NXPH1: variants seen among roughly 807,000 people sequenced by gnomAD.
NXPH1 encodes neurexophilin-1.
A neutral mutation model predicts 23.7 loss-of-function variants in NXPH1; 5 were observed. The observed-to-expected ratio is 0.21, with a 90% CI of 0.11 to 0.44. NXPH1 has a LOEUF of 0.44. NXPH1 is among the 20% of genes least tolerant of loss of function. The pLI is 0.99. For synonymous variants in NXPH1, 144 were observed against 122.2 expected (o/e 1.18, Z -1.18); for missense variants, 324 against 321.6 (o/e 1.01, Z -0.06).
intron 2 of NXPH1, among the ~76,000 whole-genome samples, chr7:8,747,991 G>A (rs184185546): frequency 8.1e-4 from 123 of 152,286 alleles, no homozygotes; most frequent in Non-Finnish European, 1.3e-3. Flanking sequence ...TAATCCTTTT[G>A]ATGTGAGAGT....
intron 2 of NXPH1, among the ~76,000 whole-genome samples, chr7:8,537,996 C>A (rs559315686): frequency 6.6e-6 from 1 of 151,770 alleles, no homozygotes; most frequent in African/African-American, 2.4e-5. Context: ...GTAAGGCTAC[C>A]AATGATAGTA....
rs997758913 is a variant in NXPH1, at chr7:8,529,217, C to T, written c.54+93450C>T. Among the ~76,000 whole-genome samples, 3 of 152,286 alleles carry T rather than the reference C, an allele frequency of 2.0e-5. No homozygotes were observed. The East Asian group carries it at 5.8e-4, about 29-fold the overall frequency. On this transcript the variant is annotated intron_variant, in intron 2 of 2. Coordinates refer to ENST00000405863, the MANE Select transcript of NXPH1 (RefSeq NM_152745.3). ...ACTCACGTGATCACATTGGGTTCAC[C>T]CAAATAATCTACAGTAATATCTATT... is the stretch of plus-strand genomic sequence containing the variant.
At chr7:8,571,433 A>G (rs966322603) in intron 2 of NXPH1, among the ~76,000 whole-genome samples, 10 of 151,864 alleles carry the variant, frequency 6.6e-5, no homozygotes, top group Non-Finnish European at 1.2e-4. Context: ...TTTGGGGGGA[A>G]CAGAGGTGGG....
intron 2 of NXPH1, among the ~76,000 whole-genome samples, chr7:8,627,886 A>G (rs896788293): frequency 7.2e-5 from 11 of 152,158 alleles, no homozygotes; most frequent in Admixed American, 2.0e-4. Flanking sequence ...TAGAGAATAT[A>G]AAGGCATATT....
intron 2 of NXPH1, among the ~76,000 whole-genome samples, chr7:8,750,624 T>C (rs947975282): frequency 1.3e-5 from 2 of 152,244 alleles, no homozygotes; most frequent in African/African-American, 4.8e-5. Flanking sequence ...TTGGTTTATA[T>C]TTGAATTTAC....
At chr7:8,563,656 G>T (rs1315633008) in intron 2 of NXPH1, among the ~76,000 whole-genome samples, 1 of 151,726 alleles carries the variant, frequency 6.6e-6, no homozygotes, top group Non-Finnish European at 1.5e-5. Context: ...TTTCCTTGGG[G>T]TGATTCTGGT....
At chr7:8,715,937 A>G (rs1298487908) in intron 2 of NXPH1, among the ~76,000 whole-genome samples, 1 of 145,826 alleles carries the variant, frequency 6.9e-6, no homozygotes, top group Non-Finnish European at 1.6e-5. Flanking sequence ...TTACATATAC[A>G]TATATATATA....
Position 8,459,611 on chromosome 7 carries a change from A to G in NXPH1, c.54+23844A>G, listed in dbSNP as rs1584168914. Among the ~76,000 whole-genome samples, 4 of 152,128 alleles carry G rather than the reference A, an allele frequency of 2.6e-5. 1 individual carries two copies. The East Asian group carries it at 7.7e-4, about 29-fold the overall frequency. ...AATGCAGTCACTGCTTTCCCCTACT[A>G]ATGACTTCAGCTTTGATTCCAGTCT... On this transcript the variant is annotated intron_variant, in intron 2 of 2. Transcript: ENST00000405863.
intron 2 of NXPH1, among the ~76,000 whole-genome samples, chr7:8,586,229 G>T (rs772365766): frequency 6.6e-6 from 1 of 152,044 alleles, no homozygotes; most frequent in Non-Finnish European, 1.5e-5. Flanking sequence ...CCCAAAACAC[G>T]CTGTTTGGGA....
intron 2 of NXPH1, among the ~76,000 whole-genome samples, chr7:8,638,692 G>A (rs1461461620): frequency 6.6e-6 from 1 of 152,126 alleles, no homozygotes; most frequent in African/African-American, 2.4e-5. Context: ...GCAGTGCTGT[G>A]CATATTAATT....
chr7:8,592,060 C>T (rs534009579), intron 2 of NXPH1, among the ~76,000 whole-genome samples: 4 of 151,732 alleles, frequency 2.6e-5, no homozygotes, highest in East Asian at 1.9e-4. Flanking sequence ...TCTGGAGAGG[C>T]GAAAGATTGT....
chr7:8,597,503 A>T (rs1470438349), intron 2 of NXPH1, among the ~76,000 whole-genome samples: 1 of 152,000 alleles, frequency 6.6e-6, no homozygotes, highest in Non-Finnish European at 1.5e-5. Context: ...TCATTCAGTG[A>T]TATTTTGTAC....
rs529106449 is a variant in NXPH1 at position 8,435,412 on chromosome 7, C to G, written c.-110-192C>G. ...CTCACCCTCCCTCTCGTCCGCCCGC[C>G]CGCCTCCCCAGCTGCGGACCGCGCG... is the stretch of plus-strand genomic sequence containing the variant. On this transcript the variant is annotated intron_variant, in intron 1 of 2. Transcript: ENST00000405863. This position sits in a 1 kb window ranked among gnomAD's most constrained non-coding sequence, Gnocchi z 5.9. 44 of 484,682 alleles carry G rather than the reference C, an allele frequency of 9.1e-5. No individual in the cohort carries two copies. The highest frequency in any genetic ancestry group is 6.5e-4 in the South Asian group (28 of 43,366). 30.0% of individuals were successfully genotyped at this position (484,682 alleles called of 1,614,324 possible).
chr7:8,541,059 A>T (rs1275950630), intron 2 of NXPH1, among the ~76,000 whole-genome samples: 2 of 151,798 alleles, frequency 1.3e-5, no homozygotes, highest in Non-Finnish European at 2.9e-5. Context: ...GCATGTAAAG[A>T]AGCAGGAAAA....
chr7:8,445,035 C>A (rs1482298583), intron 2 of NXPH1, among the ~76,000 whole-genome samples: 2 of 152,168 alleles, frequency 1.3e-5, no homozygotes, highest in Non-Finnish European at 2.9e-5. Context: ...TTCCTCCCAC[C>A]CTCTTCATTT....
chr7:8,729,453 T>G (rs1486591447), intron 2 of NXPH1, among the ~76,000 whole-genome samples: 3 of 140,490 alleles, frequency 2.1e-5, no homozygotes, highest in Non-Finnish European at 4.5e-5. Context: ...TTTGGATCTT[T>G]CCTGCTTTCT....
chr7:8,540,729 A>G (rs1436618931), intron 2 of NXPH1, among the ~76,000 whole-genome samples: 7 of 151,820 alleles, frequency 4.6e-5, no homozygotes, highest in Non-Finnish European at 8.8e-5. Context: ...AGAAGGAACC[A>G]GCTGAAAATG....
At chr7:8,616,209 CCTTGCTGTT>C (rs202074255) in intron 2 of NXPH1, among the ~76,000 whole-genome samples, 480 of 152,122 alleles carry the variant, frequency 3.2e-3, no homozygotes, top group African/African-American at 0.011. Flanking sequence ...ACACTGGCCT[CCTTGCTGTT>C]CTTGCTGTTC....
At chr7:8,559,612 T>A (rs1818409761) in intron 2 of NXPH1, among the ~76,000 whole-genome samples, 1 of 151,720 alleles carries the variant, frequency 6.6e-6, no homozygotes, top group African/African-American at 2.4e-5. Flanking sequence ...TACATGAGCT[T>A]TTTTCCTCAG....
Sources: allele counts gnomAD v4.1 joint callset (sites outside exome capture counted in the v4.1 genomes callset), GRCh38; gene constraint gnomAD v4.1.1; non-coding constraint Gnocchi (gnomAD v3.1); transcripts MANE v1.5; gene names NCBI Gene and HGNC (gene_info 2026-07-23, HGNC 2026-07-21).